PPP2CA: variants seen among roughly 807,000 people sequenced by gnomAD.
PPP2CA encodes the protein protein phosphatase 2 catalytic subunit alpha, also known as serine/threonine-protein phosphatase 2A catalytic subunit alpha isoform.
A neutral mutation model predicts 38.8 loss-of-function variants in PPP2CA; 5 were observed. That is an observed-to-expected ratio of 0.13 (90% CI 0.07 to 0.27). PPP2CA has a LOEUF of 0.27. Ranked by LOEUF, PPP2CA falls within the 10% of genes least tolerant of loss-of-function variation. The pLI is 1.00. For missense variants in PPP2CA, 88 were observed against 389.7 expected (o/e 0.23, Z 6.52); for synonymous variants, 152 against 134.0 (o/e 1.13, Z -0.93).
intron 6 of PPP2CA, 114 bp from the exon 7 acceptor site, chr5:134,197,958 C>T: frequency 4.8e-6 from 4 of 832,466 alleles, no homozygotes; most frequent in Non-Finnish European, 8.1e-6. Context: ...TTTGGCTTGT[C>T]TTAATGTAAC....
intron 1 of PPP2CA, 80 bp from the exon 2 acceptor site, chr5:134,206,211 G>A: frequency 8.3e-7 from 1 of 1,212,118 alleles, no homozygotes. Context: ...TACACTTAAT[G>A]TAGCTTAAGG....
rs1580632640 is a variant in PPP2CA at position 134,194,675 on chromosome 5, T to C, written c.*3097A>G. On this transcript the variant is annotated 3_prime_UTR_variant, in exon 7 of 7. Coordinates refer to ENST00000481195, the MANE Select transcript of PPP2CA (RefSeq NM_002715.4). ...CCCAGGCTGGAGTGCAATGGCACGA[T>C]CTGGGCTCACTGTAACCTCCTCCTC... The C allele has an allele frequency of 6.6e-6, 1 of 152,298 alleles. No homozygotes were observed. 9.4% of individuals were successfully genotyped at this position (152,298 alleles called of 1,614,324 possible).
chr5:134,210,521 G>C (rs1041081275), intron 1 of PPP2CA, among the ~76,000 whole-genome samples: 2 of 152,220 alleles, frequency 1.3e-5, no homozygotes, highest in African/African-American at 4.8e-5. Context: ...TCAACATCTG[G>C]GAAAAAAATT....
At chr5:134,223,871 T>C (rs923293938) in intron 1 of PPP2CA, among the ~76,000 whole-genome samples, 3 of 152,160 alleles carry the variant, frequency 2.0e-5, no homozygotes, top group Non-Finnish European at 2.9e-5. Flanking sequence ...AGATATTCAA[T>C]AGATGTTCAA....
At chr5:134,207,347 G>A (rs1333024590) in intron 1 of PPP2CA, among the ~76,000 whole-genome samples, 3 of 152,212 alleles carry the variant, frequency 2.0e-5, no homozygotes, top group African/African-American at 4.8e-5. Flanking sequence ...GGAGGTTGCC[G>A]TGAGCCAAGA....
intron 1 of PPP2CA, among the ~76,000 whole-genome samples, chr5:134,215,093 T>C (rs1762288233): frequency 1.9e-5 from 2 of 105,828 alleles, no homozygotes; most frequent in South Asian, 3.4e-4. Flanking sequence ...CTAATATTTA[T>C]TTACTTTTTT....
intron 1 of PPP2CA, among the ~76,000 whole-genome samples, chr5:134,211,821 C>T (rs1286348646): frequency 6.6e-6 from 1 of 151,948 alleles, no homozygotes; most frequent in Non-Finnish European, 1.5e-5. Context: ...GATTCACTAA[C>T]CACTTATTAT....
Position 134,197,477 on chromosome 5 carries a change from T to C in PPP2CA, c.*295A>G. 2.7e-6 allele frequency: 1 copy of C among 370,162 alleles called. No homozygotes were observed. Among genetic ancestry groups the C allele is most frequent in the Non-Finnish European group, 5.0e-6 (1 of 199,520 alleles). The allele number at this position is 370,162 out of a possible 1,614,324, so 22.9% of individuals were successfully genotyped here. ...ACGAGGTGTTAATGTTTACATCTTATTATCTGCAGTCTCTCAGAGAAAGCA... is the reference window on the plus strand; with the variant it reads ...ACGAGGTGTTAATGTTTACATCTTACTATCTGCAGTCTCTCAGAGAAAGCA... On this transcript the variant is annotated 3_prime_UTR_variant, in exon 7 of 7. Transcript: ENST00000481195.
intron 1 of PPP2CA, among the ~76,000 whole-genome samples, chr5:134,218,058 A>G (rs1055290480): frequency 6.6e-6 from 1 of 151,998 alleles, no homozygotes; most frequent in Non-Finnish European, 1.5e-5. Flanking sequence ...ATAATTTCAT[A>G]AGACCACCAT....
At chr5:134,220,982 G>A (rs921195459) in intron 1 of PPP2CA, among the ~76,000 whole-genome samples, 16 of 152,210 alleles carry the variant, frequency 1.1e-4, no homozygotes, top group African/African-American at 3.9e-4. Context: ...TAGTGGGAAT[G>A]TTCACCTTTT....
chr5:134,205,458 T>C (rs1444445167), intron 2 of PPP2CA, among the ~76,000 whole-genome samples: 2 of 151,746 alleles, frequency 1.3e-5, no homozygotes, highest in African/African-American at 4.8e-5. Flanking sequence ...CTCAGCTCAC[T>C]GCAACCTCCG....
intron 1 of PPP2CA, among the ~76,000 whole-genome samples, chr5:134,221,917 G>A (rs1041308322): frequency 2.7e-5 from 4 of 148,924 alleles, no homozygotes; most frequent in African/African-American, 5.0e-5. Flanking sequence ...GCAGTGAGCC[G>A]AGATTGCGCC....
At chr5:134,225,655 GGGCCC>G in intron 1 of PPP2CA, 100 bp downstream of exon 1, 1 of 991,406 alleles carries the variant, frequency 1.0e-6, no homozygotes, top group Non-Finnish European at 1.4e-6. Flanking sequence ...GAGACTCGGG[GGGCCC>G]GGACCGGCGG....
At chr5:134,215,791 A>G (rs1309124343) in intron 1 of PPP2CA, among the ~76,000 whole-genome samples, 1 of 152,138 alleles carries the variant, frequency 6.6e-6, no homozygotes, top group Non-Finnish European at 1.5e-5. Context: ...GTAACTCCTA[A>G]GCAGACTCTC....
intron 1 of PPP2CA, among the ~76,000 whole-genome samples, chr5:134,207,125 C>G (rs1394474203): frequency 3.9e-5 from 6 of 152,200 alleles, no homozygotes; most frequent in Non-Finnish European, 8.8e-5. Context: ...AATGCCCAGC[C>G]AGGCGCGGTG....
intron 6 of PPP2CA, among the ~76,000 whole-genome samples, chr5:134,198,618 C>T (rs1324294073): frequency 1.3e-5 from 2 of 152,072 alleles, no homozygotes; most frequent in African/African-American, 2.4e-5. Flanking sequence ...CAGGCTGGAA[C>T]GCAGTGGCGC....
intron 1 of PPP2CA, among the ~76,000 whole-genome samples, chr5:134,212,281 G>T (rs181999608): frequency 3.3e-4 from 50 of 152,292 alleles, no homozygotes; most frequent in African/African-American, 1.1e-3. Context: ...CCACCAGCAT[G>T]TGCTCACTTC....
At chr5:134,202,868 G>A (rs528994053) in intron 2 of PPP2CA, among the ~76,000 whole-genome samples, 92 of 152,132 alleles carry the variant, frequency 6.0e-4, no homozygotes, top group Non-Finnish European at 1.1e-3. Flanking sequence ...TTTAATCTCC[G>A]GTATTAACCA....
chr5:134,214,675 T>G (rs1762279817), intron 1 of PPP2CA, among the ~76,000 whole-genome samples: 1 of 152,232 alleles, frequency 6.6e-6, no homozygotes, highest in Admixed American at 6.5e-5. Context: ...CATGAATATT[T>G]TTGAACATCT....
Sources: gnomAD v4.1 joint callset for allele counts (sites outside exome capture counted in the v4.1 genomes callset) on GRCh38, gnomAD v4.1.1 for gene constraint, MANE v1.5 for transcripts, NCBI Gene and HGNC (gene_info 2026-07-23, HGNC 2026-07-21) for gene names.